Variants in ST8SIA1 observed in about 807,000 individuals in gnomAD.
ST8SIA1 encodes ST8 alpha-N-acetyl-neuraminide alpha-2,8-sialyltransferase 1.
Under a neutral mutation model 35.9 loss-of-function variants are expected in ST8SIA1, and 16 were observed. The ratio of observed to expected loss-of-function variants is 0.45; its 90% confidence interval spans 0.30 to 0.68. The LOEUF (loss-of-function observed/expected upper bound fraction) is 0.68, where lower values mean the gene tolerates loss of function less well. ST8SIA1 is among the 30% of genes least tolerant of loss of function. The probability of loss-of-function intolerance (pLI) is 0.09; values close to 1 mark genes in which losing one functional copy is unlikely to be tolerated. For synonymous variants in ST8SIA1, 170 were observed against 169.6 expected (o/e 1.00, Z -0.02); for missense variants, 383 against 453.6 (o/e 0.84, Z 1.41).
In ST8SIA1 at chr12:22,196,994, T is replaced by G. The variant is rs1864996822; in HGVS notation, c.*4558A>C. 6.6e-6 allele frequency: 1 copy of G among 151,964 alleles called. No individual in the cohort carries two copies. The highest frequency in any genetic ancestry group is 1.5e-5 in the Non-Finnish European group (1 of 68,040). 9.4% of individuals were successfully genotyped at this position (151,964 alleles called of 1,614,324 possible). ...ACTCTGCCCTTTTACATCCTGAGAG[T>G]GTGGGGATAGGGTCATCTCCTTTCA... On this transcript the variant is annotated 3_prime_UTR_variant, in exon 5 of 5. Transcript: ENST00000396037.
chr12:22,252,980 A>G (rs981014429), intron 3 of ST8SIA1, among the ~76,000 whole-genome samples: 12 of 152,242 alleles, frequency 7.9e-5, no homozygotes, highest in Non-Finnish European at 1.2e-4. Context: ...TCTTCCTTAC[A>G]TAATTTTTGG....
intron 4 of ST8SIA1, among the ~76,000 whole-genome samples, chr12:22,231,693 C>T (rs1025495383): frequency 1.3e-5 from 2 of 151,950 alleles, no homozygotes; most frequent in Non-Finnish European, 2.9e-5. Flanking sequence ...CCTGCCTCAG[C>T]CCCCCGAGTA....
intron 2 of ST8SIA1, among the ~76,000 whole-genome samples, chr12:22,277,880 A>G (rs1310764746): frequency 6.6e-6 from 1 of 152,202 alleles, no homozygotes; most frequent in Non-Finnish European, 1.5e-5. Flanking sequence ...GATCAGGAAT[A>G]GAAGAAAAGA....
chr12:22,320,957 G>GAAAGAGAAAGAAAGAA (rs1458108019), intron 1 of ST8SIA1, among the ~76,000 whole-genome samples: 9 of 83,284 alleles, frequency 1.1e-4, no homozygotes, highest in African/African-American at 2.2e-4. Context: ...AAGAAAGAAA[G>GAAAGAGAAAGAAAGAA]AGAAAGAAAG....
chr12:22,269,337 CT>C (rs1865885208), intron 2 of ST8SIA1, among the ~76,000 whole-genome samples: 2 of 152,118 alleles, frequency 1.3e-5, no homozygotes, highest in South Asian at 4.2e-4. Context: ...TCCCTTGCTT[CT>C]TTTCAAAATA....
At chr12:22,291,553 T>C (rs531827471) in intron 1 of ST8SIA1, among the ~76,000 whole-genome samples, 8 of 152,338 alleles carry the variant, frequency 5.3e-5, no homozygotes, top group African/African-American at 1.9e-4. Flanking sequence ...ATGTGACAAA[T>C]GATCATTTGA....
intron 1 of ST8SIA1, among the ~76,000 whole-genome samples, chr12:22,292,663 C>G (rs745722119): frequency 6.6e-6 from 1 of 152,132 alleles, no homozygotes; most frequent in Non-Finnish European, 1.5e-5. Context: ...ACAAATACTG[C>G]ATGTTCTCAC....
chr12:22,201,668 A>C lies in ST8SIA1; in HGVS notation c.955T>G (p.Ser319Ala). Residue 319 changes from serine (S) to alanine (A), a missense_variant, in exon 5 of 5, where the codon TCT (serine) becomes GCT (alanine). By Grantham distance (99) the Ser-to-Ala change is moderately conservative (BLOSUM62 1). Coordinates refer to ENST00000396037, the MANE Select transcript of ST8SIA1 (RefSeq NM_003034.4). ...HHYYDNVLPF[S>A]GFHAMPEEFL... is the part of the protein sequence containing the mutation. ...TCCTCGGGCATGGCATGGAAGCCAG[A>C]AAAGGGTAAGACGTTGTCATAGTAG... 5 of 1,614,162 alleles carry C rather than the reference A, an allele frequency of 3.1e-6. No homozygotes were observed. The highest frequency in any genetic ancestry group is 2.5e-6 in the Non-Finnish European group (3 of 1,179,986).
At position 22,226,133 on chromosome 12, in the gene ST8SIA1, T is replaced by C. The variant is rs374809813; in HGVS notation, c.584+22873A>G. On this transcript the variant is annotated intron_variant, in intron 4 of 4. Coordinates refer to ENST00000396037, the MANE Select transcript of ST8SIA1 (RefSeq NM_003034.4). Reference sequence around the variant, plus strand: ...ATACATATGTATATAGTACATATTTTATACTCAAAAAATTCAAGAAGAATA... The same window carrying C: ...ATACATATGTATATAGTACATATTTCATACTCAAAAAATTCAAGAAGAATA... 2.2e-4 allele frequency among the ~76,000 whole-genome samples: 34 copies of C among 152,360 alleles called. 1 individual carries two copies. Among genetic ancestry groups the C allele is most frequent in the African/African-American group, 7.9e-4 (33 of 41,590 alleles).
chr12:22,249,204 A>G, intron 3 of ST8SIA1, 106 bp from the exon 4 acceptor site: 1 of 754,386 alleles, frequency 1.3e-6, no homozygotes. Context: ...ATTCACGAGT[A>G]ACTGTTTTGT....
chr12:22,274,509 T>G (rs2135808444), intron 2 of ST8SIA1, among the ~76,000 whole-genome samples: 1 of 152,324 alleles, frequency 6.6e-6, no homozygotes, highest in Admixed American at 6.5e-5. Context: ...TAACAATTTC[T>G]TAAGAATAAT....
In ST8SIA1 at chr12:22,320,937, GAA is replaced by G. The variant is rs1491192559; in HGVS notation, c.236+13058_236+13059del. 6.6e-5 allele frequency among the ~76,000 whole-genome samples: 4 copies of G among 61,034 alleles called. No homozygotes were observed. The East Asian group carries it at 1.1e-3, about 17-fold the overall frequency. 40.0% of individuals were successfully genotyped at this position (61,034 alleles called of 152,430 possible). A position where few individuals can be genotyped will look rare whatever the true frequency, so the allele number is the denominator to read the frequency against. ...GAAAGGAAAGAAAGGAAGAAAGAAAGAAAGAAAGAAAGAAAGAAAGAGAAAGA... is the reference window on the plus strand; with the variant it reads ...GAAAGGAAAGAAAGGAAGAAAGAAAGAGAAAGAAAGAAAGAAAGAGAAAGA... On this transcript the variant is annotated intron_variant, in intron 1 of 4. Transcript: ENST00000396037.
chr12:22,276,543 G>C (rs1865970766), intron 2 of ST8SIA1, among the ~76,000 whole-genome samples: 1 of 152,136 alleles, frequency 6.6e-6, no homozygotes, highest in South Asian at 2.1e-4. Context: ...GTGCCAAGGT[G>C]GCCAGATGGT....
chr12:22,203,893 T>C (rs1485284957), intron 4 of ST8SIA1, among the ~76,000 whole-genome samples: 1 of 152,186 alleles, frequency 6.6e-6, no homozygotes, highest in Non-Finnish European at 1.5e-5. Flanking sequence ...GAGAGTTCAC[T>C]AATATCACAG....
intron 4 of ST8SIA1, among the ~76,000 whole-genome samples, chr12:22,224,350 C>T (rs1865332345): frequency 6.6e-6 from 1 of 151,220 alleles, no homozygotes; most frequent in African/African-American, 2.4e-5. Context: ...TTACTCTGCG[C>T]CCAGGCTGGA....
In ST8SIA1 at chr12:22,199,031, G is replaced by A. The variant is rs950963802; in HGVS notation, c.*2521C>T. 1 of 152,030 alleles carries A rather than the reference G, an allele frequency of 6.6e-6. No homozygotes were observed. The highest frequency in any genetic ancestry group is 1.5e-5 in the Non-Finnish European group (1 of 68,014). The allele number at this position is 152,030 out of a possible 1,614,324, so 9.4% of individuals were successfully genotyped here. ...CTGGCCATTTCTGTTTTGCCTTTCA[G>A]AACCCACATGAAATAGTTTCACAAG... On this transcript the variant is annotated 3_prime_UTR_variant, in exon 5 of 5. Coordinates refer to ENST00000396037, the MANE Select transcript of ST8SIA1 (RefSeq NM_003034.4).
rs530223859 is a variant in ST8SIA1, at chr12:22,276,246, T to C, written c.381+10903A>G. On this transcript the variant is annotated intron_variant, in intron 2 of 4. Transcript: ENST00000396037. ...GTGCCCTGTTTCACTTGTAGAATGC[T>C]TGTATTGAGTAAAAAGGAGATGTCC... Among the ~76,000 whole-genome samples the C allele has an allele frequency of 2.0e-5, 3 of 148,354 alleles. 1 individual carries two copies. The highest frequency in any genetic ancestry group is 7.6e-5 in the African/African-American group (3 of 39,680).
chr12:22,334,554 C>T lies in ST8SIA1; in HGVS notation c.-322G>A. 1 of 398,162 alleles carries T rather than the reference C, an allele frequency of 2.5e-6. No individual in the cohort carries two copies. The highest frequency in any genetic ancestry group is 4.6e-6 in the Non-Finnish European group (1 of 217,042). The allele number at this position is 398,162 out of a possible 1,614,324, so 24.7% of individuals were successfully genotyped here. A position where few individuals can be genotyped will look rare whatever the true frequency, so the allele number is the denominator to read the frequency against. ...GAGAGCGGCGGCGGCGAGTCGCTCC[C>T]GCCGGTTCTGCAGCATCACGGTCGC... On this transcript the variant is annotated 5_prime_UTR_variant, in exon 1 of 5. Transcript: ENST00000396037.
At chr12:22,280,174 A>C (rs1441295303) in intron 2 of ST8SIA1, among the ~76,000 whole-genome samples, 1 of 152,238 alleles carries the variant, frequency 6.6e-6, no homozygotes, top group African/African-American at 2.4e-5. Flanking sequence ...ACAAATGAGC[A>C]TATTAATAGA....
Sources: allele counts gnomAD v4.1 joint callset (sites outside exome capture counted in the v4.1 genomes callset), GRCh38; gene constraint gnomAD v4.1.1; transcripts MANE v1.5; gene names NCBI Gene and HGNC (gene_info 2026-07-23, HGNC 2026-07-21).